The following MTA3 variants were observed in gnomAD, a reference collection of about 807,000 sequenced individuals.
MTA3 encodes the protein metastasis-associated protein MTA3.
A neutral mutation model predicts 83.5 loss-of-function variants in MTA3; 34 were observed. The ratio of observed to expected loss-of-function variants is 0.41; its 90% CI spans 0.31 to 0.54. The LOEUF is 0.54. Among genes scored for constraint, MTA3 ranks in the 20% least tolerant of loss-of-function variants. The pLI, the probability that MTA3 is intolerant of heterozygous loss-of-function variation, is 0.33. For synonymous variants in MTA3, 303 were observed against 252.7 expected, an observed-to-expected ratio of 1.20 and a Z score of -1.89; for missense variants, 761 against 726.4, an observed-to-expected ratio of 1.05 and a Z score of -0.55.
At chr2:42,591,758 C>T (rs1223676964) in intron 3 of MTA3, among the ~76,000 whole-genome samples, 1 of 152,104 alleles carries the variant, frequency 6.6e-6, no homozygotes, top group African/African-American at 2.4e-5. Flanking sequence ...TCAAGCAATT[C>T]TCCTGCCTCA....
rs1682300677 is a variant in MTA3, at chr2:42,599,616, A to AAAAAAGAAAAGAGTAGTGCAGT, written c.191-9842_191-9841insAAAAAGAAAAGAGTAGTGCAGT. Among the ~76,000 whole-genome samples, 5 of 152,194 alleles carry AAAAAAGAAAAGAGTAGTGCAGT rather than the reference A, an allele frequency of 3.3e-5. No homozygotes were observed. In the South Asian group the frequency reaches 1.0e-3, roughly 32 times the overall value. On this transcript the variant is annotated intron_variant, in intron 3 of 16. Transcript: ENST00000405094. ...AAAAAAAAAGAAAAGAGTAGTGGTA[A>AAAAAAGAAAAGAGTAGTGCAGT]TTCATGTGGGTGAAACTGCAGTTCC...
Position 42,706,739 on chromosome 2 carries a change from A to G in MTA3, c.1151-1164A>G, listed in dbSNP as rs189584275. ...CAGTAATTTAAACTACAAAACAAAA[A>G]CTAACACAAGCTTACAGTGTTCAGC... On this transcript the variant is annotated intron_variant, in intron 12 of 16. Coordinates refer to ENST00000405094, the MANE Select transcript of MTA3 (RefSeq NM_001330442.2). Among the ~76,000 whole-genome samples, 6 of 152,288 alleles carry G rather than the reference A, an allele frequency of 3.9e-5. No homozygotes were observed. The East Asian group carries it at 5.8e-4, about 15-fold the overall frequency.
intron 4 of MTA3, among the ~76,000 whole-genome samples, chr2:42,619,692 C>A (rs980427618): frequency 6.6e-6 from 1 of 152,122 alleles, no homozygotes; most frequent in Non-Finnish European, 1.5e-5. Context: ...GGACTAACAA[C>A]AATGAAAATA....
chr2:42,586,279 GAA>G (rs571930742), intron 3 of MTA3, among the ~76,000 whole-genome samples: 1 of 104,688 alleles, frequency 9.6e-6, no homozygotes, highest in African/African-American at 3.6e-5. Flanking sequence ...CATCTCAAAA[GAA>G]AAAAAAAAAA....
At chr2:42,541,235 TG>T (rs1271291187) in intron 2 of MTA3, among the ~76,000 whole-genome samples, 2 of 152,142 alleles carry the variant, frequency 1.3e-5, no homozygotes, top group African/African-American at 4.8e-5. Flanking sequence ...TTCTCCGTGT[TG>T]GTCAGGCTGG....
At chr2:42,553,898 CGAAA>C (rs1056813029) in intron 2 of MTA3, among the ~76,000 whole-genome samples, 4 of 96,728 alleles carry the variant, frequency 4.1e-5, no homozygotes, top group Non-Finnish European at 8.2e-5. Context: ...GAAAAAAAAA[CGAAA>C]GAAAGAAAGA....
intron 3 of MTA3, among the ~76,000 whole-genome samples, chr2:42,607,806 C>G (rs1808001): frequency 6.6e-6 from 1 of 151,858 alleles, no homozygotes; most frequent in East Asian, 1.9e-4. Context: ...CAAAAATTAG[C>G]CAGGTGTGGT....
At chr2:42,554,835 C>G (rs921450743) in intron 2 of MTA3, among the ~76,000 whole-genome samples, 16 of 152,188 alleles carry the variant, frequency 1.1e-4, no homozygotes, top group African/African-American at 3.6e-4. Context: ...GGAAGAATCA[C>G]TACCAGAGGA....
At chr2:42,573,810 TTTTCTTTC>T (rs200435400) in intron 2 of MTA3, among the ~76,000 whole-genome samples, 2 of 149,992 alleles carry the variant, frequency 1.3e-5, no homozygotes, top group Non-Finnish European at 3.0e-5. Flanking sequence ...TGCCCCAGCA[TTTTCTTTC>T]TTTCTTTCTT....
At position 42,540,303 on chromosome 2, in the gene MTA3, A is replaced by G. The variant is rs140690417; in HGVS notation, c.-140-30134A>G. Among the ~76,000 whole-genome samples the G allele has an allele frequency of 4.4e-4, 67 of 150,846 alleles. No homozygotes were observed. In the East Asian group the frequency reaches 9.3e-3, roughly 21 times the overall value. ...ACTCTCCTGCCTTAGCCTCCTGAGT[A>G]GGTAGAACTACAGGCACATGCCACC... On this transcript the variant is annotated intron_variant, in intron 2 of 17. Coordinates refer to the MTA3 transcript ENST00000405592.
intron 16 of MTA3, among the ~76,000 whole-genome samples, chr2:42,748,494 C>T (rs529470400): frequency 6.6e-6 from 1 of 152,262 alleles, no homozygotes; most frequent in South Asian, 2.1e-4. Flanking sequence ...CTATTAGTCC[C>T]ATCCAACACA....
At chr2:42,516,601 C>T (rs1277823240) in intron 2 of MTA3, among the ~76,000 whole-genome samples, 5 of 152,114 alleles carry the variant, frequency 3.3e-5, no homozygotes, top group African/African-American at 7.2e-5. Context: ...AATGGCTCAC[C>T]GGCGGGAACT....
chr2:42,543,428 G>T (rs981044647), intron 2 of MTA3, among the ~76,000 whole-genome samples: 1 of 151,666 alleles, frequency 6.6e-6, no homozygotes, highest in Non-Finnish European at 1.5e-5. Flanking sequence ...CACCTACCTC[G>T]GCCTCCCAAA....
chr2:42,688,685 C>T (rs949391656), intron 9 of MTA3, among the ~76,000 whole-genome samples: 2 of 149,910 alleles, frequency 1.3e-5, no homozygotes, highest in Non-Finnish European at 2.9e-5. Context: ...ACTCTGCAGC[C>T]TTGTGAATCT....
intron 3 of MTA3, among the ~76,000 whole-genome samples, chr2:42,581,620 C>G (rs1341314736): frequency 6.6e-6 from 1 of 151,240 alleles, no homozygotes; most frequent in Non-Finnish European, 1.5e-5. Context: ...TGGCCTCAAG[C>G]AGTCCTCCGA....
At chr2:42,542,957 T>C (rs1676588602) in intron 2 of MTA3, among the ~76,000 whole-genome samples, 1 of 152,102 alleles carries the variant, frequency 6.6e-6, no homozygotes, top group African/African-American at 2.4e-5. Context: ...CAACCCAAAC[T>C]ATTAAGTCTC....
chr2:42,586,710 C>G (rs1319558102), intron 3 of MTA3, among the ~76,000 whole-genome samples: 1 of 151,924 alleles, frequency 6.6e-6, no homozygotes. Context: ...ACCAGCATGG[C>G]AAAAACCCAT....
intron 5 of MTA3, 105 bp downstream of exon 5, chr2:42,640,341 A>C: frequency 1.3e-6 from 1 of 775,554 alleles, no homozygotes; most frequent in Admixed American, 2.8e-5. Context: ...TTCCACCATT[A>C]TATTAATAGC....
chr2:42,710,165 A>C lies in MTA3; in HGVS notation c.1525+1069A>C, dbSNP rs566128038. 2.6e-5 allele frequency among the ~76,000 whole-genome samples: 4 copies of C among 152,360 alleles called. No homozygotes were observed. In the South Asian group the frequency reaches 8.3e-4, roughly 32 times the overall value. ...CAATAAAAGGAATGATGACTGAAAA[A>C]AACATTTTTTGTTCCTAAAGATAAT... On this transcript the variant is annotated intron_variant, in intron 14 of 16. Transcript: ENST00000405094.
Sources: allele counts gnomAD v4.1 joint callset (sites outside exome capture counted in the v4.1 genomes callset), GRCh38; gene constraint gnomAD v4.1.1; transcripts MANE v1.5; gene names NCBI Gene and HGNC (gene_info 2026-07-23, HGNC 2026-07-21).